FREM1: variants seen among roughly 807,000 people sequenced by gnomAD.
The protein encoded by FREM1 is FRAS1-related extracellular matrix protein 1.
In FREM1, 220 loss-of-function variants were observed where a neutral mutation model predicts 210.1. The observed-to-expected ratio is 1.05, with a 90% CI of 0.94 to 1.17. The LOEUF (loss-of-function observed/expected upper bound fraction) is 1.17, where lower values mean the gene tolerates loss of function less well. FREM1 is among the 50% of genes most tolerant of loss of function. The pLI is 0.00. For missense variants in FREM1, 3,454 were observed against 2,675.5 expected (o/e 1.29, Z -6.42); for synonymous variants, 1,189 against 980.2 (o/e 1.21, Z -3.98).
chr9:14,869,263 G>T lies in FREM1; in HGVS notation c.-267-19C>A, dbSNP rs1832122185. ...TCTAATCCTGCAAATGGGAGAAGGGGTTGGAGTAAAGCGAGAGAGAGACCA... is the reference window on the plus strand; with the variant it reads ...TCTAATCCTGCAAATGGGAGAAGGGTTTGGAGTAAAGCGAGAGAGAGACCA... On this transcript the variant is annotated intron_variant, in intron 1 of 36. Transcript: ENST00000380880. The T allele has an allele frequency of 2.8e-6, 1 of 353,894 alleles. No homozygotes were observed. Among genetic ancestry groups the T allele is most frequent in the Non-Finnish European group, 5.1e-6 (1 of 194,416 alleles). The allele number at this position is 353,894 out of a possible 1,614,324, so 21.9% of individuals were successfully genotyped here.
At chr9:14,760,967 C>A (rs574761583) in intron 27 of FREM1, among the ~76,000 whole-genome samples, 1 of 152,150 alleles carries the variant, frequency 6.6e-6, no homozygotes, top group African/African-American at 2.4e-5. Flanking sequence ...GCCTTTTATT[C>A]TAGATTTACA....
At chr9:14,877,498 T>C (rs997892026) in intron 1 of FREM1, among the ~76,000 whole-genome samples, 1 of 150,312 alleles carries the variant, frequency 6.7e-6, no homozygotes, top group Non-Finnish European at 1.5e-5. Context: ...TCTCCTAGTA[T>C]CCAAAAGTTC....
At chr9:14,899,505 T>A (rs1032821999) in intron 1 of FREM1, among the ~76,000 whole-genome samples, 2 of 152,168 alleles carry the variant, frequency 1.3e-5, no homozygotes, top group Non-Finnish European at 2.9e-5. Context: ...ATAAAGTATC[T>A]GAATGTCTGA....
rs921668297 is a variant in FREM1, at chr9:14,816,161, T to A, written c.2640+617A>T. Among the ~76,000 whole-genome samples the A allele has an allele frequency of 3.9e-5, 6 of 152,318 alleles. No individual in the cohort carries two copies. In the South Asian group the frequency reaches 1.2e-3, roughly 32 times the overall value. On this transcript the variant is annotated intron_variant, in intron 15 of 36. Coordinates refer to ENST00000380880, the MANE Select transcript of FREM1 (RefSeq NM_001379081.2). ...TCTGAGTTTTATAGTTCAAAGATAT[T>A]AGAAATAATTTATACATAGAATAAA...
At position 14,806,774 on chromosome 9, in the gene FREM1, T is replaced by G. The variant is rs904617824; in HGVS notation, c.3161A>C (p.Asp1054Ala). The change falls in exon 18 of 37, where the codon GAC (aspartate) becomes GCC (alanine). Residue 1054 changes from aspartate to alanine, a missense_variant. Asp to Ala is a moderately radical substitution (Grantham distance 126). Coordinates refer to ENST00000380880, the MANE Select transcript of FREM1 (RefSeq NM_001379081.2). ...TVNHLSATDPDTAADDLEFVL... is the reference protein window; with the variant it reads ...TVNHLSATDPATAADDLEFVL... ...AAATTCCAAGTCATCTGCTGCAGTG[T>G]CAGGGTCAGTGGCGGACAAATGGTT... 1.9e-6 allele frequency: 3 copies of G among 1,607,100 alleles called. No homozygotes were observed. In the African/African-American group the frequency reaches 4.0e-5, roughly 21 times the overall value.
At chr9:14,831,231 C>A (rs1823502058) in intron 10 of FREM1, among the ~76,000 whole-genome samples, 1 of 152,208 alleles carries the variant, frequency 6.6e-6, no homozygotes, top group African/African-American at 2.4e-5. Flanking sequence ...CAGAGAACCT[C>A]AACTATCCTG....
intron 35 of FREM1, among the ~76,000 whole-genome samples, chr9:14,741,864 A>AGATTCCT (rs1394361657): frequency 4.8e-4 from 73 of 152,304 alleles, no homozygotes; most frequent in African/African-American, 1.5e-3. Flanking sequence ...TCTAGCTTGA[A>AGATTCCT]GATTCCTGAA....
intron 17 of FREM1, among the ~76,000 whole-genome samples, 155 bp from the exon 18 acceptor site, chr9:14,807,001 T>C (rs1267607929): frequency 1.3e-5 from 2 of 152,224 alleles, no homozygotes; most frequent in Non-Finnish European, 2.9e-5. Flanking sequence ...GGCATCATTC[T>C]CTTTAAAGTG....
chr9:14,887,833 T>C (rs1836083748), intron 1 of FREM1, among the ~76,000 whole-genome samples: 1 of 152,180 alleles, frequency 6.6e-6, no homozygotes, highest in Non-Finnish European at 1.5e-5. Context: ...TACAGTGATT[T>C]AAGTGACATA....
chr9:14,856,835 CAAAA>C (rs754857691), intron 5 of FREM1, among the ~76,000 whole-genome samples: 3 of 78,082 alleles, frequency 3.8e-5, no homozygotes, highest in Non-Finnish European at 5.4e-5. Flanking sequence ...GACTCCGTCT[CAAAA>C]AAAAAAAAAA....
rs1470690445 is a variant in FREM1, at chr9:14,871,504, T to G, written c.-267-2260A>C. Among the ~76,000 whole-genome samples, 5 of 152,118 alleles carry G rather than the reference T, an allele frequency of 3.3e-5. No individual in the cohort carries two copies. The East Asian group carries it at 9.6e-4, about 29-fold the overall frequency. ...TTCGCCCACTTTTTGATGGGGTTGT[T>G]TGTTTTTTTCTTGTAAATTTGTTTG... On this transcript the variant is annotated intron_variant, in intron 1 of 36. Coordinates refer to ENST00000380880, the MANE Select transcript of FREM1 (RefSeq NM_001379081.2).
chr9:14,865,856 A>G (rs1017062769), intron 2 of FREM1, among the ~76,000 whole-genome samples: 12 of 152,208 alleles, frequency 7.9e-5, no homozygotes, highest in East Asian at 1.9e-4. Flanking sequence ...AATAACAAAT[A>G]GGAACAATCA....
rs542684044 is a variant in FREM1, at chr9:14,812,343, T to C, written c.2893+469A>G. On this transcript the variant is annotated intron_variant, in intron 16 of 36. Coordinates refer to ENST00000380880, the MANE Select transcript of FREM1 (RefSeq NM_001379081.2). The stretch of plus-strand genomic sequence containing the variant: ...GCTGTCATTTGCTGTGGGCAAGTCA[T>C]ATACTGGGTAAGACATTATCGTTAC... Among the ~76,000 whole-genome samples the C allele has an allele frequency of 2.0e-5, 3 of 152,346 alleles. No homozygotes were observed. In the East Asian group the frequency reaches 5.8e-4, roughly 29 times the overall value.
rs753810638 is a variant in FREM1, at chr9:14,806,744, A to G, written c.3191T>C (p.Leu1064Ser). The G allele has an allele frequency of 1.6e-5, 26 of 1,605,946 alleles. No individual in the cohort carries two copies. The highest frequency in any genetic ancestry group is 2.0e-5 in the Non-Finnish European group (23 of 1,176,142). Reference sequence around the variant, plus strand: ...GTAGCCAAACTGAGGAGGAGAAACCAAAACAAATTCCAAGTCATCTGCTGC... The same window carrying G: ...GTAGCCAAACTGAGGAGGAGAAACCGAAACAAATTCCAAGTCATCTGCTGC... ...DTAADDLEFV[L>S]VSPPQFGYLE... The change falls in exon 18 of 37, where the codon TTG becomes TCG. Residue 1064 changes from leucine (L) to serine (S), a missense_variant. By Grantham distance (145) the Leu-to-Ser change is moderately radical (BLOSUM62 -2). Transcript: ENST00000380880.
intron 1 of FREM1, among the ~76,000 whole-genome samples, chr9:14,877,706 C>A (rs749706979): frequency 1.3e-5 from 2 of 152,128 alleles, no homozygotes; most frequent in Non-Finnish European, 2.9e-5. Context: ...ATCCTGCCAA[C>A]ACCCTGAATG....
At chr9:14,848,795 G>T in intron 6 of FREM1, 22 bp from the exon 7 acceptor site, 1 of 1,430,228 alleles carries the variant, frequency 7.0e-7, no homozygotes, top group Non-Finnish European at 9.9e-7. Flanking sequence ...CAGAGGCAAA[G>T]GAGCCACACA....
rs558340447 is a variant in FREM1 at position 14,748,983 on chromosome 9, C to G, written c.5558-344G>C. Among the ~76,000 whole-genome samples, 18 of 152,296 alleles carry G rather than the reference C, an allele frequency of 1.2e-4. 1 individual carries two copies. In the South Asian group the frequency reaches 3.5e-3, roughly 30 times the overall value. On this transcript the variant is annotated intron_variant, in intron 30 of 36. Coordinates refer to ENST00000380880, the MANE Select transcript of FREM1 (RefSeq NM_001379081.2). Reference sequence around the variant, plus strand: ...ATTCCCCAACATAAAAGTTTATTCACTGATCAAGCATTATTCCACAAGCAC... The same window carrying G: ...ATTCCCCAACATAAAAGTTTATTCAGTGATCAAGCATTATTCCACAAGCAC...
intron 1 of FREM1, among the ~76,000 whole-genome samples, chr9:14,907,145 T>A (rs977578671): frequency 5.3e-5 from 8 of 152,186 alleles, no homozygotes; most frequent in Admixed American, 2.6e-4. Context: ...CTTAGCAAGA[T>A]CCCTGTCCTC....
intron 22 of FREM1, among the ~76,000 whole-genome samples, chr9:14,791,447 G>A (rs1295619558): frequency 6.6e-6 from 1 of 152,154 alleles, no homozygotes; most frequent in Admixed American, 6.5e-5. Flanking sequence ...TGCAGTTCAT[G>A]GGATTCAAAT....
Sources: allele counts gnomAD v4.1 joint callset (sites outside exome capture counted in the v4.1 genomes callset), GRCh38; gene constraint gnomAD v4.1.1; transcripts MANE v1.5; gene names NCBI Gene and HGNC (gene_info 2026-07-23, HGNC 2026-07-21).